Variants in ODF2 observed in about 807,000 individuals in gnomAD.
The protein encoded by ODF2 is outer dense fiber of sperm tails 2, also known as outer dense fiber protein 2.
Under a neutral mutation model 110.2 loss-of-function variants are expected in ODF2, and 47 were observed. The ratio of observed to expected loss-of-function variants is 0.43; its 90% CI spans 0.34 to 0.54. The LOEUF (loss-of-function observed/expected upper bound fraction) is 0.54. Among genes scored for constraint, ODF2 ranks in the 20% least tolerant of loss-of-function variants. The pLI is 0.03. For synonymous variants in ODF2, 352 were observed against 397.7 expected (o/e 0.89, Z 1.37); for missense variants, 812 against 1,054.5 (o/e 0.77, Z 3.19).
intron 1 of ODF2, chr9:128,456,797 T>A: frequency 1.0e-6 from 1 of 976,338 alleles, no homozygotes; most frequent in Non-Finnish European, 1.4e-6. Flanking sequence ...GCCCGGCGTC[T>A]ATCCTGCTCA....
At chr9:128,456,549 G>A in intron 1 of ODF2, 1 of 1,527,508 alleles carries the variant, frequency 6.5e-7, no homozygotes, top group Non-Finnish European at 8.7e-7. Context: ...CTCTCTATGG[G>A]CAGAAACCGG....
upstream of ODF2, chr9:128,456,047 C>T: frequency 6.7e-7 from 1 of 1,485,480 alleles, no homozygotes. Context: ...GGCTGGGCCT[C>T]GATGGCGAAA....
At chr9:128,460,248 G>C in intron 3 of ODF2, 1 of 1,338,522 alleles carries the variant, frequency 7.5e-7, no homozygotes. Context: ...GTTTAGAGGA[G>C]ATCCAGCCCT....
downstream of ODF2, chr9:128,501,196 C>G (rs1485858565): frequency 1.3e-5 from 2 of 152,174 alleles, no homozygotes; most frequent in Admixed American, 1.3e-4. Context: ...GGGTAGATCA[C>G]TTTAGCTATT....
chr9:128,491,972 C>T (rs1269047223), intron 14 of ODF2, among the ~76,000 whole-genome samples: 5 of 150,460 alleles, frequency 3.3e-5, no homozygotes, highest in African/African-American at 1.2e-4. Context: ...TTCATGCCAT[C>T]CTCCTGCCTC....
At chr9:128,488,318 G>A (rs768782233) in intron 14 of ODF2, among the ~76,000 whole-genome samples, 2 of 152,108 alleles carry the variant, frequency 1.3e-5, no homozygotes, top group Non-Finnish European at 2.9e-5. Context: ...CCAGCTACTC[G>A]GGAGGCTGAG....
At chr9:128,471,536 A>C in intron 6 of ODF2, 68 bp downstream of exon 6, 1 of 1,531,712 alleles carries the variant, frequency 6.5e-7, no homozygotes, top group Admixed American at 2.1e-5. Context: ...AGCCCTGGGC[A>C]ATAATGGAAA....
chr9:128,487,859 CTCTG>C (rs780872145), intron 13 of ODF2, 27 bp from the exon 14 acceptor site: 17 of 1,612,184 alleles, frequency 1.1e-5, no homozygotes, highest in African/African-American at 1.3e-5. Flanking sequence ...AATTGATTCT[CTCTG>C]TCTGCTTTCA....
At chr9:128,487,743 C>T (rs1405533549) in intron 13 of ODF2, 147 bp from the exon 14 acceptor site, 24 of 858,974 alleles carry the variant, frequency 2.8e-5, no homozygotes, top group Admixed American at 1.6e-4. Flanking sequence ...GCCAAGATCG[C>T]GCCACTGCAC....
At chr9:128,459,846 G>A (rs1201573229) in intron 3 of ODF2, among the ~76,000 whole-genome samples, 189 bp downstream of exon 2, 2 of 152,050 alleles carry the variant, frequency 1.3e-5, no homozygotes, top group African/African-American at 2.4e-5. Flanking sequence ...AGGCTGCCGG[G>A]TGTGAGGAAA....
chr9:128,456,740 G>C, intron 1 of ODF2: 1 of 979,768 alleles, frequency 1.0e-6, no homozygotes, highest in African/African-American at 1.8e-5. Flanking sequence ...TCTCCGGCTT[G>C]CCAGGGCCCT....
chr9:128,492,011 G>A (rs759334200), intron 14 of ODF2, among the ~76,000 whole-genome samples: 78 of 151,780 alleles, frequency 5.1e-4, no homozygotes, highest in Non-Finnish European at 8.5e-4. Context: ...GACTACAGGC[G>A]CCCGCCACCA....
chr9:128,456,293 G>C lies in ODF2; in HGVS notation c.-209+38G>C, dbSNP rs1053110816. On this transcript the variant is annotated intron_variant, in intron 1 of 20. Coordinates refer to ENST00000604420, the Ensembl canonical transcript of ODF2. ...CGGCAGGCGGGATCCAGCGCCCTCC[G>C]GGGCACCGCGGGCGAGACCGTCGCC... 2.6e-6 allele frequency: 4 copies of C among 1,512,142 alleles called. No individual in the cohort carries two copies. The African/African-American group carries it at 5.8e-5, about 22-fold the overall frequency. The allele number at this position is 1,512,142 out of a possible 1,614,324, so 93.7% of individuals were successfully genotyped here.
chr9:128,459,783 G>A lies in ODF2; in HGVS notation c.123+126G>A, dbSNP rs549912634. 1.3e-4 allele frequency: 85 copies of A among 655,868 alleles called. 1 individual carries two copies. Among genetic ancestry groups the A allele is most frequent in the South Asian group, 1.1e-3 (57 of 54,046 alleles). 40.6% of individuals were successfully genotyped at this position (655,868 alleles called of 1,614,324 possible). On this transcript the variant is annotated intron_variant, in intron 3 of 20. Transcript: ENST00000604420. Reference sequence around the variant, plus strand: ...CCGCCCAGTTGCTCTGCTAGGTGCTGTTATACATACTCTGCTGATTTTTAA... The same window carrying A: ...CCGCCCAGTTGCTCTGCTAGGTGCTATTATACATACTCTGCTGATTTTTAA...
At chr9:128,476,757 G>C (rs1841365359) in intron 8 of ODF2, among the ~76,000 whole-genome samples, 1 of 151,196 alleles carries the variant, frequency 6.6e-6, no homozygotes, top group South Asian at 2.1e-4. Flanking sequence ...TCCTGCCTCA[G>C]CCTCCTGAGT....
At chr9:128,456,035 G>T, upstream of ODF2, 1 of 1,460,232 alleles carries the variant, frequency 6.8e-7, no homozygotes. Flanking sequence ...TGTGACGCTA[G>T]GGGCTGGGCC....
At chr9:128,471,245 T>C in intron 5 of ODF2, 63 bp from the exon 6 acceptor site, 1 of 1,508,380 alleles carries the variant, frequency 6.6e-7, no homozygotes, top group African/African-American at 1.4e-5. Flanking sequence ...GCATTGAGCC[T>C]AGCAATGTGG....
At chr9:128,471,608 C>A in intron 6 of ODF2, 140 bp downstream of exon 6, 1 of 676,984 alleles carries the variant, frequency 1.5e-6, no homozygotes, top group Non-Finnish European at 2.5e-6. Context: ...AACAGTCACA[C>A]AATTAATTAC....
chr9:128,457,369 A>T (rs1588670922), exon 2 of ODF2: 2 of 1,612,322 alleles, frequency 1.2e-6, no homozygotes, highest in East Asian at 2.2e-5. Context: ...GAGCCTGCTG[A>T]CCCAATTGCC....
Sources: gnomAD v4.1 joint callset for allele counts (sites outside exome capture counted in the v4.1 genomes callset) on GRCh38, gnomAD v4.1.1 for gene constraint, MANE v1.5 for transcripts, NCBI Gene and HGNC (gene_info 2026-07-23, HGNC 2026-07-21) for gene names.